KDM5D: variants seen among roughly 807,000 people sequenced by gnomAD.
The protein encoded by KDM5D is lysine-specific demethylase 5D.
In KDM5D, 25 loss-of-function variants were observed where a neutral mutation model predicts 31.9. The observed-to-expected ratio is 0.78, with a 90% CI of 0.57 to 1.09. KDM5D has a LOEUF of 1.09. Ranked by LOEUF, KDM5D falls within the 50% of genes least tolerant of loss-of-function variation. The pLI is 0.00. For synonymous variants in KDM5D, 146 were observed against 122.3 expected (o/e 1.19, Z -1.28); for missense variants, 366 against 341.6 (o/e 1.07, Z -0.56).
chrY:19,726,486 A>T, intron 11 of KDM5D, among the ~76,000 whole-genome samples: 1 of 32,894 alleles, frequency 3.0e-5, no homozygotes, highest in African/African-American at 1.2e-4. Context: ...CCTAAGTGGG[A>T]GTTAAACAAT....
At chrY:19,727,411 C>A in intron 11 of KDM5D, among the ~76,000 whole-genome samples, 1 of 33,750 alleles carries the variant, frequency 3.0e-5, no homozygotes, top group African/African-American at 1.2e-4. Context: ...CAACTATTCA[C>A]ATTTACTTGG....
chrY:19,704,332 AGAG>A lies in KDM5D; in HGVS notation c.*1660_*1662del, dbSNP rs2045217412. 1 of 33,726 alleles carries A rather than the reference AGAG, an allele frequency of 3.0e-5. No individual in the cohort carries two copies. Among genetic ancestry groups the A allele is most frequent in the Non-Finnish European group, 7.4e-5 (1 of 13,584 alleles). 8.4% of individuals were successfully genotyped at this position (33,726 alleles called of 400,897 possible). A position where few individuals can be genotyped will look rare whatever the true frequency, so the allele number is the denominator to read the frequency against. ...TCATGACTTTCCTCCTATTTATGGA[AGAG>A]GAGAAAAAAGAAATTTCGAAGACAA... On this transcript the variant is annotated 3_prime_UTR_variant, in exon 27 of 27. Coordinates refer to ENST00000317961, the MANE Select transcript of KDM5D (RefSeq NM_004653.5).
At chrY:19,717,022 G>A (rs988088748) in intron 13 of KDM5D, among the ~76,000 whole-genome samples, 2 of 33,484 alleles carry the variant, frequency 6.0e-5, no homozygotes, top group Admixed American at 2.7e-4. Flanking sequence ...CAAAAATGAT[G>A]AAGTTGGAAA....
At position 19,717,237 on chromosome Y, in the gene KDM5D, A is replaced by G. The variant is rs775986559; in HGVS notation, c.1717-522T>C. Among the ~76,000 whole-genome samples, 17 of 33,957 alleles carry G rather than the reference A, an allele frequency of 5.0e-4. No individual in the cohort carries two copies. In the East Asian group the frequency reaches 7.9e-3, roughly 16 times the overall value. The allele number at this position is 33,957 out of a possible 37,273, so 91.1% of individuals were successfully genotyped here. ...TGCCCCAATTCCTATGTAAGCAGCTACTGTGGGAAAGCAACCTGAGATGCT... is the reference window on the plus strand; with the variant it reads ...TGCCCCAATTCCTATGTAAGCAGCTGCTGTGGGAAAGCAACCTGAGATGCT... On this transcript the variant is annotated intron_variant, in intron 13 of 26. Coordinates refer to ENST00000317961, the MANE Select transcript of KDM5D (RefSeq NM_004653.5).
chrY:19,717,118 C>A, intron 13 of KDM5D, among the ~76,000 whole-genome samples: 2 of 33,143 alleles, frequency 6.0e-5, no homozygotes, highest in Non-Finnish European at 7.4e-5. Flanking sequence ...AAATAAAAAA[C>A]CCAAATCAGG....
At chrY:19,736,468 C>CT (rs2032642) in intron 6 of KDM5D, among the ~76,000 whole-genome samples, 2 of 31,343 alleles carry the variant, frequency 6.4e-5, no homozygotes, top group Non-Finnish European at 1.6e-4. Context: ...ATATTTTATG[C>CT]TTTTTTTTTA....
intron 11 of KDM5D, chrY:19,723,498 T>C (rs2045409947): frequency 2.4e-5 from 2 of 83,039 alleles, no homozygotes; most frequent in Non-Finnish European, 4.4e-5. Context: ...ATAACAACTT[T>C]GTAAAAATTT....
intron 5 of KDM5D, among the ~76,000 whole-genome samples, chrY:19,740,307 G>C: frequency 3.0e-5 from 1 of 33,341 alleles, no homozygotes; most frequent in East Asian, 7.9e-4. Flanking sequence ...GGTGGCTCAT[G>C]CCTGTAATCC....
intron 6 of KDM5D, among the ~76,000 whole-genome samples, chrY:19,736,831 T>C (rs757451136): frequency 3.0e-5 from 1 of 32,809 alleles, no homozygotes; most frequent in African/African-American, 1.2e-4. Context: ...AGAACCAGTA[T>C]TTCCCCTTCT....
chrY:19,721,109 A>G, intron 12 of KDM5D, 21 bp downstream of exon 12: 1 of 395,581 alleles, frequency 2.5e-6, no homozygotes, highest in Non-Finnish European at 3.6e-6. Context: ...TATCCAACTG[A>G]GCCATTGGGG....
chrY:19,742,327 CTAAGAG>C (rs2045558746), intron 3 of KDM5D, among the ~76,000 whole-genome samples: 4 of 33,842 alleles, frequency 1.2e-4, no homozygotes, highest in African/African-American at 4.6e-4. Context: ...AGTCAAAATC[CTAAGAG>C]TAAAAGAAAA....
At position 19,709,709 on chromosome Y, in the gene KDM5D, C is replaced by A; in HGVS notation, c.2684G>T (p.Gly895Val). The A allele has an allele frequency of 2.5e-6, 1 of 398,131 alleles. No individual in the cohort carries two copies. The highest frequency in any genetic ancestry group is 9.3e-5 in the East Asian group (1 of 10,809). Residue 895 changes from glycine (G) to valine (V), a missense_variant, in exon 20 of 27, where the codon GGG (glycine) becomes GTG (valine). Gly to Val is a moderately radical substitution (Grantham distance 109). Coordinates refer to ENST00000317961, the MANE Select transcript of KDM5D (RefSeq NM_004653.5). ...AGGCACCTCTACACCCAGCTGCTGCCCCCTCTCCAACAGGGACCGCAATAG... is the reference window on the plus strand; with the variant it reads ...AGGCACCTCTACACCCAGCTGCTGCACCCTCTCCAACAGGGACCGCAATAG... ...PGLLRSLLER[G>V]QQLGVEVPEA...
intron 6 of KDM5D, among the ~76,000 whole-genome samples, chrY:19,736,513 T>C: frequency 9.1e-5 from 3 of 32,798 alleles, no homozygotes; most frequent in South Asian, 6.9e-4. Context: ...GAAACGTATA[T>C]TGCATTACGT....
intron 13 of KDM5D, 117 bp from the exon 14 acceptor site, chrY:19,716,832 T>C: frequency 5.2e-6 from 1 of 193,082 alleles, no homozygotes; most frequent in Non-Finnish European, 9.0e-6. Flanking sequence ...GGCTCTATCT[T>C]CAAGTACGTG....
At chrY:19,714,720 G>A (rs973147374) in intron 18 of KDM5D, among the ~76,000 whole-genome samples, 3 of 33,366 alleles carry the variant, frequency 9.0e-5, no homozygotes, top group Non-Finnish European at 2.2e-4. Context: ...GTAAGTAGAC[G>A]GTGCGTATGC....
At chrY:19,714,902 G>GT (rs778055686) in intron 18 of KDM5D, among the ~76,000 whole-genome samples, 17 of 33,690 alleles carry the variant, frequency 5.0e-4, no homozygotes, top group African/African-American at 2.0e-3. Context: ...TTTAACCTCT[G>GT]AAGTTTTACC....
chrY:19,726,313 A>G (rs2045431536), intron 11 of KDM5D, among the ~76,000 whole-genome samples: 1 of 33,933 alleles, frequency 2.9e-5, no homozygotes, highest in Non-Finnish European at 7.3e-5. Flanking sequence ...TCCATCAATG[A>G]TAGACTGGAT....
chrY:19,708,573 T>C, intron 21 of KDM5D, 150 bp from the exon 22 acceptor site: 1 of 164,957 alleles, frequency 6.1e-6, no homozygotes, highest in Non-Finnish European at 1.1e-5. Context: ...TAGAAACTCT[T>C]TTCTCTCAGA....
At chrY:19,727,776 T>C in intron 11 of KDM5D, among the ~76,000 whole-genome samples, 1 of 32,927 alleles carries the variant, frequency 3.0e-5, no homozygotes, top group Admixed American at 2.8e-4. Context: ...TTTTCAATAT[T>C]AACTAGGAAA....
Sources: allele counts gnomAD v4.1 joint callset (sites outside exome capture counted in the v4.1 genomes callset), GRCh38; gene constraint gnomAD v4.1.1; transcripts MANE v1.5; gene names NCBI Gene and HGNC (gene_info 2026-07-23, HGNC 2026-07-21).